The following CNOT1 variants were observed in gnomAD, a reference collection of about 807,000 sequenced individuals.
CNOT1 encodes the protein CCR4-NOT transcription complex subunit 1, also known as CCR4-associated factor 1.
CNOT1 carries 15 observed loss-of-function variants against 273.8 expected under a neutral mutation model. The observed-to-expected ratio is 0.05, with a 90% CI of 0.04 to 0.08. The LOEUF is 0.08. Among genes scored for constraint, CNOT1 ranks in the 10% least tolerant of loss-of-function variants. CNOT1 has a pLI of 1.00. For missense variants in CNOT1, 1,644 were observed against 2,912.2 expected, an observed-to-expected ratio of 0.56 and a Z score of 10.02; for synonymous variants, 1,022 against 1,005.5, an observed-to-expected ratio of 1.02 and a Z score of -0.31.
At chr16:58,587,979 A>C in intron 3 of CNOT1, 101 bp from the exon 4 acceptor site, 1 of 1,144,894 alleles carries the variant, frequency 8.7e-7, no homozygotes, top group Non-Finnish European at 1.2e-6. Flanking sequence ...AACACTATAT[A>C]CTGTTATATA....
At chr16:58,617,665 C>T (rs1046197278) in intron 1 of CNOT1, among the ~76,000 whole-genome samples, 1 of 152,158 alleles carries the variant, frequency 6.6e-6, no homozygotes, top group Non-Finnish European at 1.5e-5. Flanking sequence ...GAGAAAATGG[C>T]TGATATAGCC....
intron 16 of CNOT1, among the ~76,000 whole-genome samples, chr16:58,563,693 C>T (rs2040939345): frequency 6.6e-6 from 1 of 152,174 alleles, no homozygotes. Flanking sequence ...ACCGTATCTC[C>T]ATGTTGTCCC....
chr16:58,579,490 G>A (rs1164800475), intron 12 of CNOT1, among the ~76,000 whole-genome samples: 1 of 152,028 alleles, frequency 6.6e-6, no homozygotes, highest in Non-Finnish European at 1.5e-5. Context: ...CCCTTTATCT[G>A]TTCAAATAAA....
intron 16 of CNOT1, among the ~76,000 whole-genome samples, chr16:58,566,057 C>G (rs562404027): frequency 1.3e-5 from 2 of 151,964 alleles, no homozygotes; most frequent in Admixed American, 6.5e-5. Context: ...ACCTTGTATT[C>G]TTCTCAGTGC....
At chr16:58,620,983 A>G (rs1317754247) in intron 1 of CNOT1, among the ~76,000 whole-genome samples, 1 of 151,792 alleles carries the variant, frequency 6.6e-6, no homozygotes, top group Non-Finnish European at 1.5e-5. Flanking sequence ...TTATTTCAAA[A>G]AAGACAAGAG....
At chr16:58,558,344 G>T in intron 18 of CNOT1, 129 bp downstream of exon 18, 1 of 1,471,532 alleles carries the variant, frequency 6.8e-7, no homozygotes, top group Non-Finnish European at 9.1e-7. Flanking sequence ...TTTGGATACT[G>T]AAGTAGCTTT....
At chr16:58,614,227 G>GATCACTCACA (rs2043003046) in intron 1 of CNOT1, among the ~76,000 whole-genome samples, 1 of 124,584 alleles carries the variant, frequency 8.0e-6, no homozygotes, top group African/African-American at 2.7e-5. Context: ...TAGAAGAGAG[G>GATCACTCACA]TAACATAGAT....
intron 16 of CNOT1, among the ~76,000 whole-genome samples, chr16:58,562,343 A>T (rs1185842260): frequency 6.6e-6 from 1 of 151,624 alleles, no homozygotes; most frequent in East Asian, 1.9e-4. Flanking sequence ...TCTCTACAAA[A>T]AATTTTAAAA....
At chr16:58,522,025 T>C (rs993793772) in intron 47 of CNOT1, among the ~76,000 whole-genome samples, 5 of 150,056 alleles carry the variant, frequency 3.3e-5, no homozygotes, top group African/African-American at 9.8e-5. Context: ...GAATTAAGTA[T>C]TCTAACACTG....
chr16:58,539,028 G>C, intron 35 of CNOT1, 114 bp from the exon 36 acceptor site: 4 of 1,444,174 alleles, frequency 2.8e-6, no homozygotes, highest in South Asian at 1.4e-5. Flanking sequence ...AAGCCTCCCT[G>C]TCCTTTCCAC....
Position 58,546,376 on chromosome 16 carries a change from A to G in CNOT1, c.3951T>C (p.Ser1317=). Residue 1317 remains serine, a synonymous_variant, in exon 29 of 49, where the codon TCT becomes TCC. Transcript: ENST00000317147. ...GCTGCTTGACATCTTTCTTTGGAGC[A>G]GAGAGTTGCTCATCTAAATTCTTCA... ...DRLKNLDEQL[S]APKKDVKQPE... is the part of the protein sequence containing the mutation. 1 of 1,614,000 alleles carries G rather than the reference A, an allele frequency of 6.2e-7. No homozygotes were observed. The highest frequency in any genetic ancestry group is 8.5e-7 in the Non-Finnish European group (1 of 1,179,936).
intron 2 of CNOT1, among the ~76,000 whole-genome samples, chr16:58,595,842 C>T (rs540636512): frequency 6.6e-6 from 1 of 152,174 alleles, no homozygotes; most frequent in East Asian, 1.9e-4. Flanking sequence ...ACCCATGGGC[C>T]AGAATTTCTA....
intron 35 of CNOT1, 38 bp from the exon 36 acceptor site, chr16:58,538,952 A>G: frequency 3.1e-6 from 5 of 1,604,454 alleles, no homozygotes; most frequent in Non-Finnish European, 3.4e-6. Context: ...CATGAAAAAT[A>G]CAGTGCTTGG....
At position 58,543,924 on chromosome 16, in the gene CNOT1, A is replaced by T. The variant is rs375723747; in HGVS notation, c.4138-21T>A. 71 of 1,575,804 alleles carry T rather than the reference A, an allele frequency of 4.5e-5. No individual in the cohort carries two copies. The African/African-American group carries it at 8.9e-4, about 20-fold the overall frequency. The stretch of plus-strand genomic sequence containing the variant: ...GGAATCTGGGGGGTTGGGGAGGACA[A>T]AGTCAACACCTTGTTTAAATAAGAC... On this transcript the variant is annotated intron_variant, in intron 30 of 48. Coordinates refer to ENST00000317147, the MANE Select transcript of CNOT1 (RefSeq NM_016284.5).
At chr16:58,541,224 T>C (rs1029200213) in intron 34 of CNOT1, among the ~76,000 whole-genome samples, 7 of 151,960 alleles carry the variant, frequency 4.6e-5, no homozygotes, top group African/African-American at 1.7e-4. Flanking sequence ...AATAATAAAA[T>C]TTAAAAATAA....
intron 1 of CNOT1, among the ~76,000 whole-genome samples, chr16:58,621,777 G>C (rs890038458): frequency 1.3e-5 from 2 of 148,224 alleles, no homozygotes; most frequent in Admixed American, 1.4e-4. Context: ...AAACAAATTA[G>C]CCGGGTGCCT....
intron 46 of CNOT1, chr16:58,523,876 T>G: frequency 5.7e-6 from 1 of 175,998 alleles, no homozygotes; most frequent in Non-Finnish European, 1.2e-5. Flanking sequence ...TTACAGTATA[T>G]TTCATGTAAC....
intron 2 of CNOT1, 59 bp from the exon 3 acceptor site, chr16:58,588,965 A>C: frequency 9.3e-6 from 14 of 1,501,798 alleles, no homozygotes; most frequent in Non-Finnish European, 1.2e-5. Flanking sequence ...AAAAAAAGTA[A>C]GGTTTCAAAA....
chr16:58,557,573 T>C (rs2040673515), intron 18 of CNOT1, among the ~76,000 whole-genome samples: 1 of 151,974 alleles, frequency 6.6e-6, no homozygotes, highest in Admixed American at 6.6e-5. Context: ...AAACTTACAG[T>C]GTCAACATAA....
Sources: gnomAD v4.1 joint callset for allele counts (sites outside exome capture counted in the v4.1 genomes callset) on GRCh38, gnomAD v4.1.1 for gene constraint, MANE v1.5 for transcripts, NCBI Gene and HGNC (gene_info 2026-07-23, HGNC 2026-07-21) for gene names.